Variants in IRAG1 observed in about 807,000 individuals in gnomAD.
IRAG1 encodes inositol 1,4,5-triphosphate receptor associated 1.
Under a neutral mutation model 106.2 loss-of-function variants are expected in IRAG1, and 62 were observed. The ratio of observed to expected loss-of-function variants is 0.58; its 90% CI spans 0.48 to 0.72. The LOEUF is 0.72. IRAG1 is among the 30% of genes least tolerant of loss of function. The pLI is 0.00. For missense variants in IRAG1, 1,064 were observed against 1,140.7 expected, an observed-to-expected ratio of 0.93 and a Z score of 0.97; for synonymous variants, 462 against 443.9, an observed-to-expected ratio of 1.04 and a Z score of -0.51.
intron 1 of IRAG1, among the ~76,000 whole-genome samples, chr11:10,670,652 A>C (rs1300810660): frequency 1.3e-5 from 2 of 152,200 alleles, no homozygotes; most frequent in African/African-American, 4.8e-5. Flanking sequence ...CCAGTACATA[A>C]TAATGTGACT....
chr11:10,672,146 C>A (rs1351205900), intron 1 of IRAG1, among the ~76,000 whole-genome samples: 1 of 152,142 alleles, frequency 6.6e-6, no homozygotes, highest in Non-Finnish European at 1.5e-5. Flanking sequence ...GGGATAACCA[C>A]ATGTAAAAGA....
chr11:10,579,173 G>C (rs1328339611), intron 20 of IRAG1, among the ~76,000 whole-genome samples: 1 of 152,182 alleles, frequency 6.6e-6, no homozygotes, highest in African/African-American at 2.4e-5. Flanking sequence ...TCTCCTAACG[G>C]CTCTTCCCCT....
chr11:10,646,978 TAGAC>T (rs1858003016), intron 2 of IRAG1, among the ~76,000 whole-genome samples: 1 of 152,156 alleles, frequency 6.6e-6, no homozygotes, highest in Admixed American at 6.5e-5. Flanking sequence ...GGAAGGGGCA[TAGAC>T]AGGCATGTGA....
At chr11:10,579,883 A>T (rs1851218903) in intron 20 of IRAG1, among the ~76,000 whole-genome samples, 1 of 152,224 alleles carries the variant, frequency 6.6e-6, no homozygotes, top group African/African-American at 2.4e-5. Flanking sequence ...TTGAAATAGG[A>T]AGTATTTTAA....
At chr11:10,643,319 T>C (rs79856720) in intron 2 of IRAG1, among the ~76,000 whole-genome samples, 1,713 of 151,904 alleles carry the variant, frequency 0.011, 42 homozygotes, top group African/African-American at 0.039. Flanking sequence ...CTGCCAAGCA[T>C]AGAGGGCCAG....
intron 2 of IRAG1, among the ~76,000 whole-genome samples, chr11:10,644,043 G>A (rs1486819997): frequency 2.0e-5 from 3 of 152,226 alleles, no homozygotes; most frequent in African/African-American, 7.2e-5. Context: ...ACCACTAGAG[G>A]CCAGCCTGGT....
intron 20 of IRAG1, 36 bp from the exon 21 acceptor site, chr11:10,576,611 T>C (rs777415371): frequency 1.2e-6 from 2 of 1,612,042 alleles, no homozygotes; most frequent in East Asian, 4.5e-5. Flanking sequence ...GGCTTTAGTA[T>C]ACTGGGCACA....
intron 10 of IRAG1, among the ~76,000 whole-genome samples, chr11:10,621,327 T>C (rs1378801199): frequency 6.6e-6 from 1 of 152,176 alleles, no homozygotes; most frequent in Non-Finnish European, 1.5e-5. Flanking sequence ...TCCACCATTG[T>C]TAGTGACATC....
At chr11:10,596,354 G>T (rs1323828151) in intron 15 of IRAG1, among the ~76,000 whole-genome samples, 1 of 152,170 alleles carries the variant, frequency 6.6e-6, no homozygotes, top group Non-Finnish European at 1.5e-5. Flanking sequence ...GTTCTTTTAA[G>T]AAATTATTCC....
chr11:10,651,473 C>G (rs964221126), intron 2 of IRAG1, among the ~76,000 whole-genome samples: 19 of 152,318 alleles, frequency 1.2e-4, no homozygotes, highest in Middle Eastern at 3.4e-3. Context: ...AGCACATAAC[C>G]TATATTTTGT....
intron 19 of IRAG1, among the ~76,000 whole-genome samples, chr11:10,581,574 G>GAAC (rs1564888335): frequency 6.6e-6 from 1 of 152,018 alleles, no homozygotes; most frequent in Non-Finnish European, 1.5e-5. Flanking sequence ...CCACCAAGAG[G>GAAC]AACCCATCCA....
intron 15 of IRAG1, among the ~76,000 whole-genome samples, chr11:10,594,569 A>T (rs966302969): frequency 5.3e-5 from 8 of 152,202 alleles, no homozygotes; most frequent in African/African-American, 1.9e-4. Flanking sequence ...GTACAGTCAG[A>T]GAAACTATGA....
Position 10,626,395 on chromosome 11 carries a change from A to C in IRAG1, c.939T>G (p.Ser313Arg). ...GAGGGCTGTTCAGGGCCATTTTCCC[A>C]CTGCTGTTTGTAACAGGAGCTAGGC... ...PKGLAPVTNS[S>R]GKMALNSPQP... Residue 313 changes from serine (S) to arginine (R), a missense_variant, in exon 9 of 21, where the codon AGT becomes AGG. Transcript: ENST00000423302. 1 of 1,613,298 alleles carries C rather than the reference A, an allele frequency of 6.2e-7. No homozygotes were observed. Among genetic ancestry groups the C allele is most frequent in the Non-Finnish European group, 8.5e-7 (1 of 1,179,682 alleles).
At chr11:10,690,475 C>A in intron 1 of IRAG1, 1 of 1,241,572 alleles carries the variant, frequency 8.1e-7, no homozygotes, top group South Asian at 1.4e-5. Flanking sequence ...GGGTCATGGG[C>A]GTGAGTTACC....
intron 1 of IRAG1, among the ~76,000 whole-genome samples, chr11:10,656,098 C>G (rs774538686): frequency 6.6e-6 from 1 of 152,216 alleles, no homozygotes; most frequent in Non-Finnish European, 1.5e-5. Context: ...TGTGGGCACA[C>G]GGACCTCACA....
At chr11:10,641,302 C>A (rs1412154181) in intron 2 of IRAG1, among the ~76,000 whole-genome samples, 1 of 152,250 alleles carries the variant, frequency 6.6e-6, no homozygotes, top group African/African-American at 2.4e-5. Context: ...GAATTAATGA[C>A]TTTGGCATTT....
chr11:10,607,525 C>G (rs1157102215), intron 11 of IRAG1, among the ~76,000 whole-genome samples: 1 of 152,244 alleles, frequency 6.6e-6, no homozygotes, highest in Non-Finnish European at 1.5e-5. Flanking sequence ...GCTGCTGTGG[C>G]TGCTGCTCTT....
intron 2 of IRAG1, among the ~76,000 whole-genome samples, chr11:10,640,666 C>T (rs1056300856): frequency 2.0e-5 from 3 of 152,178 alleles, no homozygotes; most frequent in East Asian, 1.9e-4. Flanking sequence ...AGTGCACACA[C>T]GCATCCCTGC....
At chr11:10,627,781 GAGTC>G (rs1225719002) in intron 7 of IRAG1, 21 bp from the exon 8 acceptor site, 3 of 1,613,822 alleles carry the variant, frequency 1.9e-6, no homozygotes, top group Non-Finnish European at 2.5e-6. Context: ...AGGTGAACAG[GAGTC>G]AGTCAGCAAT....
Sources: gnomAD v4.1 joint callset for allele counts (sites outside exome capture counted in the v4.1 genomes callset) on GRCh38, gnomAD v4.1.1 for gene constraint, MANE v1.5 for transcripts, NCBI Gene and HGNC (gene_info 2026-07-23, HGNC 2026-07-21) for gene names.